MEIS2: variants seen among roughly 807,000 people sequenced by gnomAD.
MEIS2 encodes the protein Meis homeobox 2, also known as homeobox protein Meis2.
In MEIS2, 9 loss-of-function variants were observed where a neutral mutation model predicts 58.6. The ratio of observed to expected loss-of-function variants is 0.15; its 90% confidence interval spans 0.09 to 0.27. MEIS2 has a LOEUF of 0.27. MEIS2 is among the 10% of genes least tolerant of loss of function. MEIS2 has a pLI of 1.00. For missense variants in MEIS2, 427 were observed against 635.0 expected (o/e 0.67, Z 3.52); for synonymous variants, 221 against 228.4 (o/e 0.97, Z 0.29).
At chr15:36,971,913 A>G (rs528323689) in intron 8 of MEIS2, among the ~76,000 whole-genome samples, 6 of 152,334 alleles carry the variant, frequency 3.9e-5, no homozygotes, top group African/African-American at 7.2e-5. Flanking sequence ...ATATTTGGAC[A>G]GCATTTCACT....
chr15:37,026,284 C>T (rs950094969), intron 8 of MEIS2, among the ~76,000 whole-genome samples: 2 of 152,272 alleles, frequency 1.3e-5, no homozygotes, highest in East Asian at 1.9e-4. Flanking sequence ...AGCACCACCC[C>T]GGTACACTTG....
intron 9 of MEIS2, among the ~76,000 whole-genome samples, chr15:36,929,945 G>C (rs2057905076): frequency 6.6e-6 from 1 of 152,130 alleles, no homozygotes; most frequent in African/African-American, 2.4e-5. Flanking sequence ...GCTCACACCT[G>C]TAATGCCAGC....
chr15:36,932,733 G>A (rs2058028882), intron 9 of MEIS2, among the ~76,000 whole-genome samples: 1 of 152,048 alleles, frequency 6.6e-6, no homozygotes, highest in South Asian at 2.1e-4. Flanking sequence ...GGATATGTGG[G>A]TTTCATTACA....
At chr15:37,007,422 A>G (rs1240620598) in intron 8 of MEIS2, among the ~76,000 whole-genome samples, 1 of 152,206 alleles carries the variant, frequency 6.6e-6, no homozygotes, top group African/African-American at 2.4e-5. Context: ...AGCCACTTGG[A>G]CCTGAATAAA....
At chr15:36,962,585 TA>T (rs2059222760) in intron 8 of MEIS2, among the ~76,000 whole-genome samples, 1 of 152,176 alleles carries the variant, frequency 6.6e-6, no homozygotes, top group African/African-American at 2.4e-5. Flanking sequence ...TTTTCATGAG[TA>T]TTTTCAATAT....
At chr15:36,995,242 T>C (rs892274639) in intron 8 of MEIS2, among the ~76,000 whole-genome samples, 9 of 152,186 alleles carry the variant, frequency 5.9e-5, no homozygotes, top group African/African-American at 2.2e-4. Context: ...GTAAAGTCTA[T>C]TTGATATTTT....
At chr15:37,096,205 T>C in intron 3 of MEIS2, 84 bp downstream of exon 3, 2 of 1,425,102 alleles carry the variant, frequency 1.4e-6, no homozygotes, top group Non-Finnish European at 1.9e-6. Flanking sequence ...GTCCCTGGCC[T>C]TTCCTCCTTT....
At chr15:37,038,079 G>C (rs982010555) in intron 7 of MEIS2, among the ~76,000 whole-genome samples, 4 of 152,186 alleles carry the variant, frequency 2.6e-5, no homozygotes, top group African/African-American at 9.6e-5. Context: ...CAGGGTCCTG[G>C]AAGGACATCT....
At chr15:37,083,471 C>G (rs570089984) in intron 7 of MEIS2, among the ~76,000 whole-genome samples, 1 of 152,186 alleles carries the variant, frequency 6.6e-6, no homozygotes, top group Non-Finnish European at 1.5e-5. Flanking sequence ...TAAAGCAGGC[C>G]TGTGATTCCA....
intron 6 of MEIS2, among the ~76,000 whole-genome samples, chr15:37,090,636 C>A (rs993217882): frequency 1.3e-5 from 2 of 152,022 alleles, no homozygotes; most frequent in Non-Finnish European, 2.9e-5. Flanking sequence ...TTTTCTCTCT[C>A]TCCTTGCATG....
intron 9 of MEIS2, among the ~76,000 whole-genome samples, chr15:36,913,034 A>G (rs1178459389): frequency 6.6e-6 from 1 of 152,184 alleles, no homozygotes; most frequent in African/African-American, 2.4e-5. Flanking sequence ...ACTCCTTGGC[A>G]GTTATACCAT....
At chr15:37,003,623 C>A (rs1446508577) in intron 8 of MEIS2, among the ~76,000 whole-genome samples, 4 of 152,176 alleles carry the variant, frequency 2.6e-5, no homozygotes, top group African/African-American at 9.7e-5. Context: ...TTGAAATCTT[C>A]TTCTTTCTCC....
chr15:36,927,239 G>A (rs1447566191), intron 9 of MEIS2, among the ~76,000 whole-genome samples: 1 of 152,066 alleles, frequency 6.6e-6, no homozygotes, highest in East Asian at 1.9e-4. Context: ...GATGAGAGAG[G>A]GTCTGATGAG....
At chr15:37,050,298 T>C (rs1208189617) in intron 7 of MEIS2, among the ~76,000 whole-genome samples, 1 of 152,196 alleles carries the variant, frequency 6.6e-6, no homozygotes, top group Admixed American at 6.5e-5. Context: ...TTCTTAGAAC[T>C]TCATATATGT....
chr15:36,983,872 AT>A (rs1311510818), intron 8 of MEIS2, among the ~76,000 whole-genome samples: 1 of 151,710 alleles, frequency 6.6e-6, no homozygotes, highest in African/African-American at 2.4e-5. Context: ...TACTTGGTTT[AT>A]TTTTTTCCTA....
At chr15:37,083,910 T>G in intron 6 of MEIS2, 25 bp from the exon 7 acceptor site, 1 of 1,599,854 alleles carries the variant, frequency 6.3e-7, no homozygotes. Context: ...CCAAGGAATT[T>G]TTCCACAGTT....
chr15:36,928,605 A>C (rs571887850), intron 9 of MEIS2, among the ~76,000 whole-genome samples: 2 of 152,346 alleles, frequency 1.3e-5, no homozygotes, highest in African/African-American at 4.8e-5. Context: ...TATTCTTCTA[A>C]GTAATGTCAG....
chr15:36,947,186 A>G (rs1290058732), intron 9 of MEIS2, among the ~76,000 whole-genome samples: 1 of 151,932 alleles, frequency 6.6e-6, no homozygotes, highest in Non-Finnish European at 1.5e-5. Context: ...CCAAGAGTTA[A>G]CTGTAGGAAA....
intron 7 of MEIS2, among the ~76,000 whole-genome samples, chr15:37,056,683 T>G (rs1406272324): frequency 6.6e-6 from 1 of 152,180 alleles, no homozygotes; most frequent in Non-Finnish European, 1.5e-5. Context: ...ACTAAAAACC[T>G]AATTCATCTC....
Sources: gnomAD v4.1 joint callset for allele counts (sites outside exome capture counted in the v4.1 genomes callset) on GRCh38, gnomAD v4.1.1 for gene constraint, MANE v1.5 for transcripts, NCBI Gene and HGNC (gene_info 2026-07-23, HGNC 2026-07-21) for gene names.